Variants in LYST observed in about 807,000 individuals in gnomAD.
LYST encodes the protein lysosomal trafficking regulator, also known as lysosomal-trafficking regulator.
A neutral mutation model predicts 413.6 loss-of-function variants in LYST; 192 were observed. The observed-to-expected ratio is 0.46, with a 90% confidence interval of 0.41 to 0.52. The LOEUF is 0.52. LYST is among the 20% of genes least tolerant of loss of function. The pLI, the probability that LYST is intolerant of heterozygous loss-of-function variation, is 0.00. For missense variants in LYST, 3,815 were observed against 4,499.9 expected (o/e 0.85, Z 4.35); for synonymous variants, 1,525 against 1,567.3 (o/e 0.97, Z 0.64).
At chr1:235,788,581 T>C in intron 13 of LYST, 120 bp downstream of exon 13, 2 of 900,688 alleles carry the variant, frequency 2.2e-6, no homozygotes, top group Non-Finnish European at 3.6e-6. Flanking sequence ...GTATATATTT[T>C]TAAATGAGAC....
chr1:235,674,201 C>G lies in LYST; in HGVS notation c.11038+2890G>C, dbSNP rs567558874. Among the ~76,000 whole-genome samples the G allele has an allele frequency of 6.6e-6, 1 of 152,146 alleles. No homozygotes were observed. The highest frequency in any genetic ancestry group is 1.5e-5 in the Non-Finnish European group (1 of 68,024). ...TATTTGGCATTCCTTGGAAGCCTAA[C>G]AGGACGCAGTGAATCTAAGCCTTTT... is the stretch of plus-strand genomic sequence containing the variant. On this transcript the variant is annotated intron_variant, in intron 50 of 52. Transcript: ENST00000389793. This position sits in a 1 kb window ranked among gnomAD's most constrained non-coding sequence, Gnocchi z 4.1.
chr1:235,841,796 TGAGGGAGCTCAAGAATGACTGG>T (rs1677243628), intron 1 of LYST, among the ~76,000 whole-genome samples: 1 of 152,182 alleles, frequency 6.6e-6, no homozygotes, highest in Non-Finnish European at 1.5e-5. Context: ...GGCCAGAAAC[TGAGGGAGCTCAAGAATGACTGG>T]CTCAATTTTT....
exon 1 of LYST, chr1:235,883,232 G>C (rs1303253562): frequency 6.6e-6 from 1 of 152,234 alleles, no homozygotes; most frequent in Non-Finnish European, 1.5e-5. Context: ...ACTCTTTGTT[G>C]CAGGCTAATT....
chr1:235,677,994 C>G (rs777731428), intron 48 of LYST, among the ~76,000 whole-genome samples: 2 of 151,908 alleles, frequency 1.3e-5, no homozygotes, highest in Non-Finnish European at 2.9e-5. Context: ...CAGTTAGTAC[C>G]CCACAATTTA....
intron 1 of LYST, among the ~76,000 whole-genome samples, chr1:235,863,433 G>T (rs1306191337): frequency 6.6e-6 from 1 of 150,430 alleles, no homozygotes; most frequent in Non-Finnish European, 1.5e-5. Flanking sequence ...TATACAATTT[G>T]AAGAGAAACC....
intron 28 of LYST, among the ~76,000 whole-genome samples, chr1:235,749,434 CAGAG>C (rs1004471429): frequency 6.6e-6 from 1 of 150,894 alleles, no homozygotes. Flanking sequence ...AGAGAGACTT[CAGAG>C]AGAGAGAGAG....
In LYST at chr1:235,664,031, C is replaced by T; in HGVS notation, c.11220G>A (p.Lys3740=). The stretch of plus-strand genomic sequence containing the variant: ...TGGGAAATGTAATTTCTCTCACAGG[C>T]TTTAAGTCCCATGTGCTCCATAACC... ...IVRLWSTWDL[K]PVREITFPKS... The change falls in exon 52 of 53, where the codon AAG becomes AAA. Residue 3740 remains lysine, a synonymous_variant. Coordinates refer to ENST00000389793, the MANE Select transcript of LYST (RefSeq NM_000081.4). This position sits in a 1 kb window ranked among gnomAD's most constrained non-coding sequence, Gnocchi z 4.5. The T allele has an allele frequency of 6.2e-7, 1 of 1,613,448 alleles. No homozygotes were observed. Among genetic ancestry groups the T allele is most frequent in the Non-Finnish European group, 8.5e-7 (1 of 1,179,380 alleles).
In LYST at chr1:235,714,851, A is replaced by G. The variant is rs189885843; in HGVS notation, c.9784+350T>C. On this transcript the variant is annotated intron_variant, in intron 42 of 52. Coordinates refer to ENST00000389793, the MANE Select transcript of LYST (RefSeq NM_000081.4). ...TGTACATAGGCTCCAAAGGTAACTTACTGGATTTGAAATAAGTATTAGGTA... is the reference window on the plus strand; with the variant it reads ...TGTACATAGGCTCCAAAGGTAACTTGCTGGATTTGAAATAAGTATTAGGTA... 1.7e-4 allele frequency among the ~76,000 whole-genome samples: 26 copies of G among 152,360 alleles called. No individual in the cohort carries two copies. In the East Asian group the frequency reaches 2.9e-3, roughly 17 times the overall value.
intron 1 of LYST, among the ~76,000 whole-genome samples, chr1:235,862,816 C>G (rs1378136470): frequency 7.8e-6 from 1 of 128,492 alleles, no homozygotes; most frequent in African/African-American, 3.3e-5. Flanking sequence ...AACACACACA[C>G]ACACACACAC....
Position 235,773,995 on chromosome 1 carries a change from T to C in LYST, c.5635-4A>G, listed in dbSNP as rs754201076. The stretch of plus-strand genomic sequence containing the variant: ...CACAGCATCCTTCAAGAAGGGTCTA[T>C]AGAAAATTAGCATTAATATAAGATG... On this transcript the variant is annotated splice_region_variant and splice_polypyrimidine_tract_variant and intron_variant, in intron 18 of 52. Coordinates refer to ENST00000389793, the MANE Select transcript of LYST (RefSeq NM_000081.4). 24 of 1,591,662 alleles carry C rather than the reference T, an allele frequency of 1.5e-5. No individual in the cohort carries two copies. Among genetic ancestry groups the C allele is most frequent in the East Asian group, 6.7e-5 (3 of 44,660 alleles).
At chr1:235,765,442 CT>C (rs1668043493) in intron 21 of LYST, among the ~76,000 whole-genome samples, 1 of 152,174 alleles carries the variant, frequency 6.6e-6, no homozygotes, top group South Asian at 2.1e-4. Flanking sequence ...AAATAAAACC[CT>C]TTCAATGACC....
intron 1 of LYST, among the ~76,000 whole-genome samples, chr1:235,853,775 A>G (rs1678837712): frequency 6.6e-6 from 1 of 152,178 alleles, no homozygotes; most frequent in Non-Finnish European, 1.5e-5. Flanking sequence ...AAACTCAGGC[A>G]TAGGGCAGCC....
In LYST at chr1:235,808,572, CAAT is replaced by C. The variant is rs1361550114; in HGVS notation, c.2243_2245del (p.His748_Cys749delinsArg). ...AGCTGAAGTAACGCTTAGGTGTTGA[CAAT>C]GATGTGCTAATTCAACTCCTCTTTG... is the stretch of plus-strand genomic sequence containing the variant. On this transcript the variant is annotated inframe_deletion, in exon 5 of 53. Transcript: ENST00000389793. 3.7e-6 allele frequency: 6 copies of C among 1,613,966 alleles called. No homozygotes were observed. The highest frequency in any genetic ancestry group is 1.3e-5 in the African/African-American group (1 of 75,018).
chr1:235,876,312 G>A (rs898624659), intron 1 of LYST, among the ~76,000 whole-genome samples: 1 of 152,044 alleles, frequency 6.6e-6, no homozygotes, highest in Non-Finnish European at 1.5e-5. Context: ...ATCCAATATA[G>A]TTTTCCCTCC....
intron 41 of LYST, 61 bp downstream of exon 41, chr1:235,716,651 A>G: frequency 9.5e-7 from 1 of 1,052,346 alleles, no homozygotes; most frequent in East Asian, 2.4e-5. Flanking sequence ...GGTAAAACAC[A>G]AGTCTGTAAA....
intron 47 of LYST, among the ~76,000 whole-genome samples, chr1:235,689,536 G>C (rs750538801): frequency 2.0e-5 from 3 of 152,164 alleles, no homozygotes; most frequent in Non-Finnish European, 2.9e-5. Flanking sequence ...AAGGGTACAG[G>C]TTTCAGTTGT....
chr1:235,760,479 G>A (rs1169394550), intron 22 of LYST, among the ~76,000 whole-genome samples: 3 of 152,124 alleles, frequency 2.0e-5, no homozygotes, highest in African/African-American at 7.2e-5. Context: ...AATATTCTAT[G>A]CAGGAAGACA....
At chr1:235,768,060 C>T (rs1272411395) in intron 20 of LYST, among the ~76,000 whole-genome samples, 4 of 152,064 alleles carry the variant, frequency 2.6e-5, no homozygotes, top group Non-Finnish European at 5.9e-5. Context: ...AACCTCAGTC[C>T]TCTGATTCTC....
chr1:235,676,134 A>G (rs933256160), intron 50 of LYST, among the ~76,000 whole-genome samples: 1 of 152,194 alleles, frequency 6.6e-6, no homozygotes, highest in Non-Finnish European at 1.5e-5. Context: ...ACAACAACAA[A>G]ACACTCTTGA....
Sources: gnomAD v4.1 joint callset for allele counts (sites outside exome capture counted in the v4.1 genomes callset) on GRCh38, gnomAD v4.1.1 for gene constraint, Gnocchi (gnomAD v3.1) non-coding constraint, MANE v1.5 for transcripts, NCBI Gene and HGNC (gene_info 2026-07-23, HGNC 2026-07-21) for gene names.